The following APBA1 variants were observed in gnomAD, a reference collection of about 807,000 sequenced individuals.
APBA1 encodes amyloid beta precursor protein binding family A member 1, also known as amyloid-beta A4 precursor protein-binding family A member 1.
Under a neutral mutation model 86.6 loss-of-function variants are expected in APBA1, and 55 were observed. That is an observed-to-expected ratio of 0.64 (90% confidence interval 0.51 to 0.80). The LOEUF (loss-of-function observed/expected upper bound fraction) is 0.80, where lower values mean the gene tolerates loss of function less well. Ranked by LOEUF, APBA1 falls within the 30% of genes least tolerant of loss-of-function variation. The pLI is 0.00. For missense variants in APBA1, 1,090 were observed against 1,183.0 expected, an observed-to-expected ratio of 0.92 and a Z score of 1.15; for synonymous variants, 511 against 493.9, an observed-to-expected ratio of 1.03 and a Z score of -0.46.
intron 2 of APBA1, among the ~76,000 whole-genome samples, chr9:69,487,385 T>C (rs905265084): frequency 1.3e-5 from 2 of 152,106 alleles, no homozygotes; most frequent in African/African-American, 2.4e-5. Context: ...GTGACTTCTG[T>C]AAACAGTGGT....
At chr9:69,447,387 T>C (rs1181931567) in intron 10 of APBA1, among the ~76,000 whole-genome samples, 1 of 152,214 alleles carries the variant, frequency 6.6e-6, no homozygotes, top group Non-Finnish European at 1.5e-5. Context: ...TGAACTCCTA[T>C]GCCGCTCAGG....
chr9:69,570,464 T>C (rs1309659964), intron 1 of APBA1, among the ~76,000 whole-genome samples: 2 of 152,226 alleles, frequency 1.3e-5, no homozygotes, highest in African/African-American at 4.8e-5. Context: ...ATCCTTTCTC[T>C]TGAATTCAAA....
intron 1 of APBA1, among the ~76,000 whole-genome samples, chr9:69,537,371 T>A (rs1588348492): frequency 6.6e-6 from 1 of 152,194 alleles, no homozygotes. Flanking sequence ...ATCCCACCTT[T>A]TCACTGGGAC....
intron 1 of APBA1, among the ~76,000 whole-genome samples, chr9:69,622,041 CA>C (rs1174259580): frequency 6.6e-6 from 1 of 152,182 alleles, no homozygotes; most frequent in Non-Finnish European, 1.5e-5. Flanking sequence ...TGAGGAGCAT[CA>C]AAATCAACTG....
rs1200988778 is a variant in APBA1 at position 69,481,820 on chromosome 9, G to A, written c.1201-5677C>T. Reference sequence around the variant, plus strand: ...AGAGCCCTCAGAAATAACGCCGCATGTCTACAACTATCTGATCTTTGACAA... The same window carrying A: ...AGAGCCCTCAGAAATAACGCCGCATATCTACAACTATCTGATCTTTGACAA... On this transcript the variant is annotated intron_variant, in intron 2 of 12. Coordinates refer to ENST00000265381, the MANE Select transcript of APBA1 (RefSeq NM_001163.4). Among the ~76,000 whole-genome samples the A allele has an allele frequency of 1.2e-3, 183 of 151,472 alleles. 1 individual carries two copies. The highest frequency in any genetic ancestry group is 3.4e-3 in the Middle Eastern group (1 of 294).
chr9:69,569,066 C>A (rs575594500), intron 1 of APBA1, among the ~76,000 whole-genome samples: 1 of 152,274 alleles, frequency 6.6e-6, no homozygotes, highest in South Asian at 2.1e-4. Context: ...TGAACAATTC[C>A]TTGTTGCAAG....
intron 1 of APBA1, among the ~76,000 whole-genome samples, chr9:69,647,371 A>C (rs1564101896): frequency 6.6e-6 from 1 of 152,330 alleles, no homozygotes; most frequent in African/African-American, 2.4e-5. Flanking sequence ...CAGATAAAGT[A>C]TCTAAGTCTC....
chr9:69,493,612 C>T lies in APBA1; in HGVS notation c.1201-17469G>A, dbSNP rs79937513. Among the ~76,000 whole-genome samples the T allele has an allele frequency of 3.9e-5, 6 of 152,082 alleles. 1 individual carries two copies. Among genetic ancestry groups the T allele is most frequent in the African/African-American group, 1.2e-4 (5 of 41,480 alleles). ...TTAAGTACAATATTTTAATAAGCAC[C>T]ACGAAGGCAGGATTTATCATTAGCT... On this transcript the variant is annotated intron_variant, in intron 2 of 12. Coordinates refer to ENST00000265381, the MANE Select transcript of APBA1 (RefSeq NM_001163.4).
Position 69,658,314 on chromosome 9 carries a change from CTT to C in APBA1, c.-70+13837_-70+13838del, listed in dbSNP as rs1491338035. ...TCTCTTTCTCTCTCTCTCTTTCTTTCTTTCTTTCTTTCTTTCTTTCTTTCTTT... is the reference window on the plus strand; with the variant it reads ...TCTCTTTCTCTCTCTCTCTTTCTTTCTCTTTCTTTCTTTCTTTCTTTCTTT... On this transcript the variant is annotated intron_variant, in intron 1 of 12. Transcript: ENST00000265381. 5.3e-3 allele frequency among the ~76,000 whole-genome samples: 427 copies of C among 81,194 alleles called. 5 individuals are homozygous for C. Among genetic ancestry groups the C allele is most frequent in the South Asian group, 0.017 (42 of 2,458 alleles). 53.3% of individuals were successfully genotyped at this position (81,194 alleles called of 152,430 possible). A position where few individuals can be genotyped will look rare whatever the true frequency, so the allele number is the denominator to read the frequency against.
At chr9:69,494,775 C>T (rs900563804) in intron 2 of APBA1, among the ~76,000 whole-genome samples, 3 of 152,108 alleles carry the variant, frequency 2.0e-5, no homozygotes, top group African/African-American at 7.2e-5. Flanking sequence ...AGAGATATAG[C>T]TAAGAGCACA....
chr9:69,627,562 C>A (rs1207139861), intron 1 of APBA1, among the ~76,000 whole-genome samples: 1 of 152,058 alleles, frequency 6.6e-6, no homozygotes, highest in Non-Finnish European at 1.5e-5. Flanking sequence ...GTTGTGATAA[C>A]CTAAACGACT....
chr9:69,453,027 C>T (rs527800268), intron 8 of APBA1, among the ~76,000 whole-genome samples: 1 of 152,356 alleles, frequency 6.6e-6, no homozygotes. Flanking sequence ...TACATCCAAG[C>T]TTAATCAAGT....
Position 69,583,440 on chromosome 9 carries a change from T to C in APBA1, c.-69-66161A>G, listed in dbSNP as rs574586096. 1.9e-4 allele frequency among the ~76,000 whole-genome samples: 29 copies of C among 152,312 alleles called. 1 individual carries two copies. The South Asian group carries it at 5.6e-3, about 29-fold the overall frequency. ...CCTGTACAGAAATCCTGAGTGTTCA[T>C]AGCTGTGACAACTGGGACTTATCTT... On this transcript the variant is annotated intron_variant, in intron 1 of 12. Coordinates refer to ENST00000265381, the MANE Select transcript of APBA1 (RefSeq NM_001163.4).
chr9:69,567,440 A>G (rs185638148), intron 1 of APBA1, among the ~76,000 whole-genome samples: 1 of 151,784 alleles, frequency 6.6e-6, no homozygotes, highest in South Asian at 2.1e-4. Flanking sequence ...ATTTTGTATT[A>G]TACTTTAAGT....
intron 2 of APBA1, among the ~76,000 whole-genome samples, chr9:69,483,209 C>A (rs913284915): frequency 6.7e-6 from 1 of 148,364 alleles, no homozygotes; most frequent in East Asian, 1.9e-4. Context: ...AGGAAGGCTG[C>A]GCTGCTTCAC....
chr9:69,441,649 G>A (rs550280826), intron 10 of APBA1, among the ~76,000 whole-genome samples: 3 of 152,276 alleles, frequency 2.0e-5, no homozygotes, highest in Admixed American at 1.3e-4. Flanking sequence ...CTTTCTGCCA[G>A]TTAGAGATTT....
chr9:69,460,566 G>A (rs1835173473), intron 5 of APBA1: 1 of 152,096 alleles, frequency 6.6e-6, no homozygotes, highest in East Asian at 1.9e-4. Context: ...CCTAACAGCT[G>A]TTGGTCAAAA....
chr9:69,485,330 T>G (rs1408506731), intron 2 of APBA1, among the ~76,000 whole-genome samples: 1 of 152,096 alleles, frequency 6.6e-6, no homozygotes, highest in African/African-American at 2.4e-5. Flanking sequence ...ATGGTGTTAG[T>G]GTTTAACTCA....
intron 1 of APBA1, among the ~76,000 whole-genome samples, chr9:69,529,460 ATG>A (rs1430968129): frequency 6.6e-6 from 1 of 152,140 alleles, no homozygotes; most frequent in Non-Finnish European, 1.5e-5. Flanking sequence ...AAGAAATATA[ATG>A]TGGGGAAAGG....
Sources: gnomAD v4.1 joint callset for allele counts (sites outside exome capture counted in the v4.1 genomes callset) on GRCh38, gnomAD v4.1.1 for gene constraint, MANE v1.5 for transcripts, NCBI Gene and HGNC (gene_info 2026-07-23, HGNC 2026-07-21) for gene names.